Variants in BCAS3 observed in about 807,000 individuals in gnomAD.
The protein encoded by BCAS3 is BCAS4/BCAS3 fusion.
Under a neutral mutation model 116.1 loss-of-function variants are expected in BCAS3, and 53 were observed. The observed-to-expected ratio is 0.46, with a 90% CI of 0.37 to 0.57. The LOEUF is 0.57. Among genes scored for constraint, BCAS3 ranks in the 20% least tolerant of loss-of-function variants. The pLI, the probability that BCAS3 is intolerant of heterozygous loss-of-function variation, is 0.00. For missense variants in BCAS3, 917 were observed against 1,165.4 expected (o/e 0.79, Z 3.10); for synonymous variants, 391 against 408.2 (o/e 0.96, Z 0.51).
intron 6 of BCAS3, among the ~76,000 whole-genome samples, chr17:60,794,154 A>G (rs545572587): frequency 6.6e-6 from 1 of 152,176 alleles, no homozygotes; most frequent in African/African-American, 2.4e-5. Flanking sequence ...TTCCCTGATC[A>G]TTAGTGGTAT....
rs1403780875 is a variant in BCAS3, at chr17:61,258,113, C to T, written c.2426-110214C>T. Among the ~76,000 whole-genome samples, 1 of 152,122 alleles carries T rather than the reference C, an allele frequency of 6.6e-6. No homozygotes were observed. The highest frequency in any genetic ancestry group is 2.4e-5 in the African/African-American group (1 of 41,418). ...GTTAACCACCTACAGGATTTCTACT[C>T]ACCTTTCAAGGTTTAGAGAAAATAG... On this transcript the variant is annotated intron_variant, in intron 22 of 23. Transcript: ENST00000407086. The surrounding 1 kb of genome is among the most constrained non-coding windows in gnomAD (Gnocchi z 4.7).
At chr17:60,685,284 A>G (rs1205918141) in intron 3 of BCAS3, among the ~76,000 whole-genome samples, 1 of 152,038 alleles carries the variant, frequency 6.6e-6, no homozygotes, top group African/African-American at 2.4e-5. Flanking sequence ...CCCCATCTCT[A>G]CTAAAAATAC....
At chr17:60,709,106 A>G in intron 4 of BCAS3, 113 bp from the exon 5 acceptor site, 1 of 564,308 alleles carries the variant, frequency 1.8e-6, no homozygotes, top group Non-Finnish European at 3.1e-6. Flanking sequence ...AGAAGAGAGG[A>G]TGGTTGCTAG....
chr17:60,724,507 C>T (rs1266398631), intron 5 of BCAS3, among the ~76,000 whole-genome samples: 1 of 151,284 alleles, frequency 6.6e-6, no homozygotes, highest in East Asian at 1.9e-4. Context: ...GTCTTATCAC[C>T]TGAGGTCAGG....
At chr17:61,067,219 G>C (rs1446874514) in intron 19 of BCAS3, among the ~76,000 whole-genome samples, 2 of 137,008 alleles carry the variant, frequency 1.5e-5, no homozygotes, top group Non-Finnish European at 3.1e-5. Flanking sequence ...ACCTAAGGAT[G>C]TTATTAAGGG....
intron 13 of BCAS3, among the ~76,000 whole-genome samples, chr17:60,944,662 A>G (rs2060391414): frequency 6.6e-6 from 1 of 152,146 alleles, no homozygotes; most frequent in Admixed American, 6.5e-5. Context: ...GCTGCTTATA[A>G]TAAAGGATTT....
rs2081847124 is a variant in BCAS3, at chr17:61,217,149, G to A, written c.2425+132585G>A. On this transcript the variant is annotated intron_variant, in intron 22 of 23. Transcript: ENST00000407086. This position sits in a 1 kb window ranked among gnomAD's most constrained non-coding sequence, Gnocchi z 5.2. ...ATACAAAAAATTAGCTGGGTGTGGT[G>A]GCACACTCCTGCAGTCCCAGCTACT... 6.6e-6 allele frequency among the ~76,000 whole-genome samples: 1 copy of A among 151,952 alleles called. No individual in the cohort carries two copies.
intron 4 of BCAS3, among the ~76,000 whole-genome samples, chr17:60,705,562 T>C (rs962911932): frequency 2.0e-5 from 3 of 147,352 alleles, no homozygotes; most frequent in South Asian, 2.2e-4. Flanking sequence ...GTTGTAGATA[T>C]GGCAAAAAAG....
intron 14 of BCAS3, among the ~76,000 whole-genome samples, chr17:60,987,655 G>T (rs990987525): frequency 2.0e-5 from 3 of 152,058 alleles, no homozygotes; most frequent in African/African-American, 4.8e-5. Flanking sequence ...ATGTAGAAAT[G>T]CTACTGATTG....
intron 10 of BCAS3, among the ~76,000 whole-genome samples, chr17:60,900,966 T>C (rs1446553872): frequency 6.6e-6 from 1 of 152,054 alleles, no homozygotes; most frequent in Admixed American, 6.5e-5. Flanking sequence ...CCTGGCACTT[T>C]GGGAGGCTAA....
intron 6 of BCAS3, among the ~76,000 whole-genome samples, chr17:60,770,847 T>G (rs1437163860): frequency 0.044 from 3,570 of 81,038 alleles, 90 homozygotes; most frequent in African/African-American, 0.21. Context: ...TTTTTTTTTT[T>G]TTTTTTTTTT....
Position 61,285,737 on chromosome 17 carries a change from A to G in BCAS3, c.2426-82590A>G, listed in dbSNP as rs1336903831. Among the ~76,000 whole-genome samples, 2 of 152,214 alleles carry G rather than the reference A, an allele frequency of 1.3e-5. No individual in the cohort carries two copies. Among genetic ancestry groups the G allele is most frequent in the Non-Finnish European group, 2.9e-5 (2 of 68,040 alleles). On this transcript the variant is annotated intron_variant, in intron 22 of 23. Transcript: ENST00000407086. This position sits in a 1 kb window ranked among gnomAD's most constrained non-coding sequence, Gnocchi z 5.4. Reference sequence around the variant, plus strand: ...GGTGGCCGATAAGGCTTGTTTATCCAGGAGACAAGAGACTAGGAGCTAGGA... The same window carrying G: ...GGTGGCCGATAAGGCTTGTTTATCCGGGAGACAAGAGACTAGGAGCTAGGA...
intron 22 of BCAS3, among the ~76,000 whole-genome samples, chr17:61,099,990 A>G (rs2074222067): frequency 6.6e-6 from 1 of 152,256 alleles, no homozygotes; most frequent in Admixed American, 6.5e-5. Flanking sequence ...GACAGCTACA[A>G]GAAACATGGT....
intron 5 of BCAS3, among the ~76,000 whole-genome samples, chr17:60,742,175 G>A (rs1423192276): frequency 2.0e-5 from 3 of 152,228 alleles, no homozygotes; most frequent in Admixed American, 2.0e-4. Flanking sequence ...CTACAGAGTG[G>A]AATTCACTTG....
At chr17:60,953,018 A>G (rs150664792) in intron 14 of BCAS3, among the ~76,000 whole-genome samples, 4 of 151,278 alleles carry the variant, frequency 2.6e-5, no homozygotes, top group Admixed American at 2.6e-4. Context: ...TCTGCCATTG[A>G]TAGGCGTTTA....
intron 14 of BCAS3, among the ~76,000 whole-genome samples, chr17:60,963,606 A>G (rs1324487941): frequency 2.1e-5 from 3 of 140,882 alleles, no homozygotes; most frequent in Non-Finnish European, 4.5e-5. Flanking sequence ...CCCAGGCTGG[A>G]GTGCAGTGGC....
intron 4 of BCAS3, among the ~76,000 whole-genome samples, chr17:60,697,702 G>A (rs1241877658): frequency 6.6e-6 from 1 of 152,052 alleles, no homozygotes; most frequent in Non-Finnish European, 1.5e-5. Flanking sequence ...AGGAGGGAGA[G>A]TATACTGAGT....
In BCAS3 at chr17:61,333,106, G is replaced by A. The variant is rs1046348915; in HGVS notation, c.2426-35221G>A. ...CCTTTCTCATAGACCCCAGCAAGGT[G>A]CTTTCTCCCTGGACCCCACTCACAC... On this transcript the variant is annotated intron_variant, in intron 22 of 23. Transcript: ENST00000407086. This position sits in a 1 kb window ranked among gnomAD's most constrained non-coding sequence, Gnocchi z 4.8. Among the ~76,000 whole-genome samples, 53 of 152,340 alleles carry A rather than the reference G, an allele frequency of 3.5e-4. No homozygotes were observed. The highest frequency in any genetic ancestry group is 1.3e-3 in the African/African-American group (52 of 41,578).
intron 22 of BCAS3, among the ~76,000 whole-genome samples, chr17:61,147,285 A>G (rs1370574827): frequency 1.3e-5 from 2 of 152,118 alleles, no homozygotes; most frequent in Non-Finnish European, 2.9e-5. Context: ...CATGTTGGTC[A>G]GGCTGGTCTC....
Sources: allele counts gnomAD v4.1 joint callset (sites outside exome capture counted in the v4.1 genomes callset), GRCh38; gene constraint gnomAD v4.1.1; non-coding constraint Gnocchi (gnomAD v3.1); transcripts MANE v1.5; gene names NCBI Gene and HGNC (gene_info 2026-07-23, HGNC 2026-07-21).